Variants in FMNL2 observed in about 807,000 individuals in gnomAD.
The protein encoded by FMNL2 is formin like 2, also known as formin-like protein 2.
A neutral mutation model predicts 130.2 loss-of-function variants in FMNL2; 51 were observed. The ratio of observed to expected loss-of-function variants is 0.39; its 90% confidence interval spans 0.31 to 0.49. The LOEUF is 0.49. FMNL2 is among the 20% of genes least tolerant of loss of function. The probability of loss-of-function intolerance (pLI) is 0.85; values close to 1 mark genes in which losing one functional copy is unlikely to be tolerated. For missense variants in FMNL2, 977 were observed against 1,316.2 expected, an observed-to-expected ratio of 0.74 and a Z score of 3.99; for synonymous variants, 465 against 467.1, an observed-to-expected ratio of 1.00 and a Z score of 0.06.
chr2:152,384,277 A>G (rs1042415690), intron 1 of FMNL2, among the ~76,000 whole-genome samples: 2 of 152,184 alleles, frequency 1.3e-5, no homozygotes, highest in Non-Finnish European at 2.9e-5. Context: ...TCTGTTTGTT[A>G]CTTAAGTTGT....
At chr2:152,340,803 T>G (rs982625641) in intron 1 of FMNL2, among the ~76,000 whole-genome samples, 2 of 152,164 alleles carry the variant, frequency 1.3e-5, no homozygotes, top group African/African-American at 2.4e-5. Flanking sequence ...GTGATTCTCC[T>G]GCCTCAGCCT....
intron 1 of FMNL2, among the ~76,000 whole-genome samples, chr2:152,380,262 A>G (rs1192854641): frequency 6.6e-6 from 1 of 152,196 alleles, no homozygotes; most frequent in Non-Finnish European, 1.5e-5. Context: ...TTTTTTACAA[A>G]TGTGTTTGAA....
chr2:152,634,985 A>C (rs867429584), intron 21 of FMNL2, among the ~76,000 whole-genome samples: 38 of 151,994 alleles, frequency 2.5e-4, no homozygotes, highest in African/African-American at 7.0e-4. Flanking sequence ...TCTTGGTCCA[A>C]CCACTGAGCT....
At chr2:152,495,056 CTGGAAACGCAGCGT>C (rs1297861244) in intron 1 of FMNL2, among the ~76,000 whole-genome samples, 1 of 152,138 alleles carries the variant, frequency 6.6e-6, no homozygotes, top group Non-Finnish European at 1.5e-5. Context: ...CACATAACAC[CTGGAAACGCAGCGT>C]TGGAACACCC....
At position 152,636,540 on chromosome 2, in the gene FMNL2, A is replaced by G. The variant is rs1008228398; in HGVS notation, c.2794A>G (p.Asn932Asp). Residue 932 changes from asparagine (N) to aspartate (D), a missense_variant, in exon 22 of 26, where the codon AAC becomes GAC. Asn to Asp is a conservative substitution (Grantham distance 23). Transcript: ENST00000288670. ...CACGCTGCTGAAGGAGTTCATCCTC[A>G]ACAATGAGGGGAAGCTGAAGAAGCT... ...HNTLLKEFIL[N>D]NEGKLKKLQD... 2 of 1,588,000 alleles carry G rather than the reference A, an allele frequency of 1.3e-6. No homozygotes were observed. Among genetic ancestry groups the G allele is most frequent in the Non-Finnish European group, 1.7e-6 (2 of 1,166,250 alleles).
intron 9 of FMNL2, among the ~76,000 whole-genome samples, chr2:152,603,715 C>T (rs765408405): frequency 2.0e-5 from 3 of 150,972 alleles, no homozygotes; most frequent in Non-Finnish European, 3.0e-5. Context: ...ACCCAACATG[C>T]ACCCCTTGAT....
intron 4 of FMNL2, among the ~76,000 whole-genome samples, chr2:152,554,493 G>T (rs540844803): frequency 6.6e-6 from 1 of 152,306 alleles, no homozygotes; most frequent in Admixed American, 6.5e-5. Flanking sequence ...CATCATGTTG[G>T]TCATTTGGAA....
intron 1 of FMNL2, among the ~76,000 whole-genome samples, chr2:152,382,156 G>A (rs1052131397): frequency 6.6e-6 from 1 of 152,090 alleles, no homozygotes; most frequent in Non-Finnish European, 1.5e-5. Flanking sequence ...GCACTTAATA[G>A]GAGGTAAATA....
At chr2:152,431,352 A>G (rs1237613332) in intron 1 of FMNL2, among the ~76,000 whole-genome samples, 1 of 152,232 alleles carries the variant, frequency 6.6e-6, no homozygotes, top group Non-Finnish European at 1.5e-5. Flanking sequence ...TTATTTATCA[A>G]TGTCTTAGTA....
intron 9 of FMNL2, among the ~76,000 whole-genome samples, chr2:152,603,218 A>G (rs1439421509): frequency 1.3e-5 from 2 of 152,182 alleles, no homozygotes; most frequent in African/African-American, 4.8e-5. Context: ...GCAGCAAAGC[A>G]GCCTTGGGTC....
chr2:152,649,812 CTATT>C lies in FMNL2; in HGVS notation c.*1910_*1913del, dbSNP rs1215066940. 1.3e-5 allele frequency: 2 copies of C among 152,708 alleles called. No individual in the cohort carries two copies. Among genetic ancestry groups the C allele is most frequent in the East Asian group, 1.9e-4 (1 of 5,186 alleles). 9.5% of individuals were successfully genotyped at this position (152,708 alleles called of 1,614,324 possible). A position where few individuals can be genotyped will look rare whatever the true frequency, so the allele number is the denominator to read the frequency against. ...TCATGGCATATGAGCAAATAATAAA[CTATT>C]TACACTACTATTCTGTAATATGTTG... On this transcript the variant is annotated 3_prime_UTR_variant, in exon 26 of 26. Transcript: ENST00000288670.
At chr2:152,614,823 C>T in intron 11 of FMNL2, 28 bp from the exon 12 acceptor site, 3 of 1,577,604 alleles carry the variant, frequency 1.9e-6, no homozygotes, top group Non-Finnish European at 2.6e-6. Flanking sequence ...TGAGCTAACA[C>T]CACGTTCTCT....
In FMNL2 at chr2:152,549,488, C is replaced by T. The variant is rs114974086; in HGVS notation, c.359+391C>T. On this transcript the variant is annotated intron_variant, in intron 4 of 25. Transcript: ENST00000288670. ...GGTTGAAGCTGCTTTATTTCCCTTT[C>T]GTTAATTCTCTAGAGTTTCTGGCCA... 1.7e-3 allele frequency among the ~76,000 whole-genome samples: 264 copies of T among 152,240 alleles called. 2 individuals carry two copies. The highest frequency in any genetic ancestry group is 5.9e-3 in the African/African-American group (245 of 41,542).
chr2:152,442,909 A>T (rs906095958), intron 1 of FMNL2, among the ~76,000 whole-genome samples: 2 of 152,136 alleles, frequency 1.3e-5, no homozygotes. Context: ...AGAGCCTGAG[A>T]ATTTGCATTT....
intron 1 of FMNL2, among the ~76,000 whole-genome samples, chr2:152,381,534 G>T (rs1375663121): frequency 6.6e-6 from 1 of 152,182 alleles, no homozygotes; most frequent in African/African-American, 2.4e-5. Flanking sequence ...ATGGAAAATG[G>T]TTTAATATTC....
intron 6 of FMNL2, among the ~76,000 whole-genome samples, chr2:152,568,693 C>T (rs553878726): frequency 3.0e-4 from 45 of 152,116 alleles, no homozygotes; most frequent in Non-Finnish European, 4.4e-4. Context: ...ATGGTGACAA[C>T]AAGAAGTGCT....
intron 15 of FMNL2, among the ~76,000 whole-genome samples, chr2:152,624,704 G>T (rs1681652379): frequency 6.6e-6 from 1 of 152,150 alleles, no homozygotes; most frequent in Non-Finnish European, 1.5e-5. Flanking sequence ...CAGGCATGGT[G>T]GCACACAGCT....
rs1354326446 is a variant in FMNL2, at chr2:152,536,039, A to G, written c.202-6700A>G. Reference sequence around the variant, plus strand: ...GAATCCAGGTCTATTTGTGTAAATCATTTTTTATTTGTATAAATGGTTAGC... The same window carrying G: ...GAATCCAGGTCTATTTGTGTAAATCGTTTTTTATTTGTATAAATGGTTAGC... On this transcript the variant is annotated intron_variant, in intron 2 of 25. Coordinates refer to ENST00000288670, the MANE Select transcript of FMNL2 (RefSeq NM_052905.4). Among the ~76,000 whole-genome samples, 5 of 152,156 alleles carry G rather than the reference A, an allele frequency of 3.3e-5. No homozygotes were observed. In the East Asian group the frequency reaches 9.6e-4, roughly 29 times the overall value.
At chr2:152,528,322 G>T (rs1264445154) in intron 2 of FMNL2, among the ~76,000 whole-genome samples, 1 of 152,108 alleles carries the variant, frequency 6.6e-6, no homozygotes, top group Non-Finnish European at 1.5e-5. Context: ...CTGCACATTT[G>T]GTGGCTTACA....
Sources: allele counts gnomAD v4.1 joint callset (sites outside exome capture counted in the v4.1 genomes callset), GRCh38; gene constraint gnomAD v4.1.1; transcripts MANE v1.5; gene names NCBI Gene and HGNC (gene_info 2026-07-23, HGNC 2026-07-21).